The following SVIL variants were observed in gnomAD, a reference collection of about 807,000 sequenced individuals.
SVIL encodes archvillin.
Under a neutral mutation model 240.4 loss-of-function variants are expected in SVIL, and 101 were observed. The ratio of observed to expected loss-of-function variants is 0.42; its 90% CI spans 0.36 to 0.50. The LOEUF (loss-of-function observed/expected upper bound fraction) is 0.50, where lower values mean the gene tolerates loss of function less well. Among genes scored for constraint, SVIL ranks in the 20% least tolerant of loss-of-function variants. SVIL has a pLI of 0.01. For missense variants in SVIL, 2,512 were observed against 2,818.7 expected (o/e 0.89, Z 2.46); for synonymous variants, 999 against 1,100.0 (o/e 0.91, Z 1.82).
At chr10:29,524,076 T>C in intron 14 of SVIL, 49 bp from the exon 15 acceptor site, 1 of 1,510,444 alleles carries the variant, frequency 6.6e-7, no homozygotes, top group Non-Finnish European at 8.9e-7. Flanking sequence ...AAATATCATC[T>C]ATATAAATCC....
intron 2 of SVIL, among the ~76,000 whole-genome samples, chr10:29,669,588 A>G (rs953753473): frequency 1.3e-5 from 2 of 152,168 alleles, no homozygotes; most frequent in East Asian, 1.9e-4. Flanking sequence ...GGATGAGAAG[A>G]AGCATGGAGC....
intron 28 of SVIL, among the ~76,000 whole-genome samples, 171 bp downstream of exon 28, chr10:29,481,413 G>A (rs1440778457): frequency 6.6e-6 from 1 of 151,944 alleles, no homozygotes; most frequent in Admixed American, 6.6e-5. Context: ...ATACTGTATT[G>A]CATATTTCAA....
chr10:29,527,173 T>A (rs1397737071), intron 12 of SVIL, 117 bp from the exon 13 acceptor site: 11 of 961,120 alleles, frequency 1.1e-5, no homozygotes, highest in Non-Finnish European at 1.6e-5. Flanking sequence ...ACAGAATATT[T>A]TGCTAATTAT....
At chr10:29,667,189 T>G (rs1170386487) in intron 2 of SVIL, among the ~76,000 whole-genome samples, 1 of 152,166 alleles carries the variant, frequency 6.6e-6, no homozygotes, top group Non-Finnish European at 1.5e-5. Flanking sequence ...AATCTGCTCA[T>G]AAATGGAACT....
intron 12 of SVIL, among the ~76,000 whole-genome samples, chr10:29,529,495 C>T (rs1057060005): frequency 3.3e-5 from 5 of 152,126 alleles, no homozygotes; most frequent in Non-Finnish European, 5.9e-5. Flanking sequence ...CAAAATAGAA[C>T]AAAAACTCCT....
At chr10:29,566,139 C>T (rs1400194128) in intron 2 of SVIL, among the ~76,000 whole-genome samples, 2 of 151,918 alleles carry the variant, frequency 1.3e-5, no homozygotes, top group Non-Finnish European at 1.5e-5. Context: ...TCCTTATCAC[C>T]CTCCCTCCTT....
Position 29,532,540 on chromosome 10 carries a change from C to T in SVIL, c.1827G>A (p.Arg609=). 1 of 1,609,256 alleles carries T rather than the reference C, an allele frequency of 6.2e-7. No homozygotes were observed. Among genetic ancestry groups the T allele is most frequent in the Non-Finnish European group, 8.5e-7 (1 of 1,176,164 alleles). ...SAFLASANAC[R]RPELKSRVER... ...GAAGCATCACCTACAGTTCAGGTCTCCTGCAGGCGTTGGCAGATGCCAGGA... is the reference window on the plus strand; with the variant it reads ...GAAGCATCACCTACAGTTCAGGTCTTCTGCAGGCGTTGGCAGATGCCAGGA... The change falls in exon 8 of 38, where the codon AGG becomes AGA. Residue 609 remains arginine (R), a synonymous_variant. Transcript: ENST00000355867.
At chr10:29,474,057 C>G (rs1945892470) in intron 29 of SVIL, 68 bp from the exon 30 acceptor site, 1 of 1,570,838 alleles carries the variant, frequency 6.4e-7, no homozygotes. Flanking sequence ...AAATGTCTGG[C>G]TCACTTTCCC....
chr10:29,565,978 A>G (rs945192776), intron 2 of SVIL, among the ~76,000 whole-genome samples: 1 of 152,222 alleles, frequency 6.6e-6, no homozygotes, highest in African/African-American at 2.4e-5. Context: ...AAACACTTCA[A>G]ATGAATACTA....
intron 3 of SVIL, among the ~76,000 whole-genome samples, chr10:29,644,504 A>G (rs1001648943): frequency 2.0e-5 from 3 of 152,102 alleles, no homozygotes; most frequent in African/African-American, 7.2e-5. Context: ...CGTAATGGCT[A>G]TGCACTCGGC....
intron 3 of SVIL, among the ~76,000 whole-genome samples, chr10:29,557,862 A>G (rs1954082053): frequency 6.6e-6 from 1 of 152,172 alleles, no homozygotes; most frequent in African/African-American, 2.4e-5. Context: ...TCATGGGCTC[A>G]GGAGGCTGGC....
intron 1 of SVIL, among the ~76,000 whole-genome samples, chr10:29,697,332 G>A (rs921360946): frequency 2.3e-5 from 2 of 86,446 alleles, no homozygotes; most frequent in Admixed American, 1.3e-4. Context: ...ACAGCTCATT[G>A]AGAATGGGCC....
intron 1 of SVIL, among the ~76,000 whole-genome samples, chr10:29,585,948 C>T (rs1956151136): frequency 6.6e-6 from 1 of 152,252 alleles, no homozygotes; most frequent in Admixed American, 6.5e-5. Context: ...TCCAGGTGTT[C>T]GTTTGCCTCA....
intron 5 of SVIL, 75 bp downstream of exon 5, chr10:29,554,708 C>G: frequency 2.1e-6 from 3 of 1,433,584 alleles, no homozygotes; most frequent in Non-Finnish European, 2.7e-6. Flanking sequence ...TGTTCTGATA[C>G]CACTGGGTGG....
At chr10:29,642,432 A>AAAGG in intron 3 of SVIL, among the ~76,000 whole-genome samples, 1 of 122,682 alleles carries the variant, frequency 8.2e-6, no homozygotes. Flanking sequence ...AGAAAGAAAG[A>AAAGG]AAGAAAGAAA....
chr10:29,710,613 G>A (rs1963210648), intron 1 of SVIL, among the ~76,000 whole-genome samples: 1 of 152,128 alleles, frequency 6.6e-6, no homozygotes, highest in Non-Finnish European at 1.5e-5. Context: ...AGAAACTCTA[G>A]TAGCTTTCAA....
intron 1 of SVIL, among the ~76,000 whole-genome samples, chr10:29,691,250 C>T (rs1367431210): frequency 2.1e-5 from 3 of 145,794 alleles, no homozygotes; most frequent in South Asian, 2.1e-4. Flanking sequence ...CTCACTCTGT[C>T]GCCCAGGCTG....
intron 1 of SVIL, among the ~76,000 whole-genome samples, chr10:29,704,675 T>G (rs145942693): frequency 2.0e-5 from 3 of 152,342 alleles, no homozygotes; most frequent in African/African-American, 7.2e-5. Context: ...AATTGTTCCC[T>G]TCATTCACAA....
chr10:29,580,656 AATGTATGT>A (rs368925968), intron 1 of SVIL, among the ~76,000 whole-genome samples: 7 of 152,228 alleles, frequency 4.6e-5, no homozygotes, highest in East Asian at 3.9e-4. Context: ...TTAACTAATT[AATGTATGT>A]ATGTATGTAT....
Sources: gnomAD v4.1 joint callset for allele counts (sites outside exome capture counted in the v4.1 genomes callset) on GRCh38, gnomAD v4.1.1 for gene constraint, MANE v1.5 for transcripts, NCBI Gene and HGNC (gene_info 2026-07-23, HGNC 2026-07-21) for gene names.